Variants in ADAM12 observed in about 807,000 individuals in gnomAD.
The protein encoded by ADAM12 is ADAM metallopeptidase domain 12.
Under a neutral mutation model 106.4 loss-of-function variants are expected in ADAM12, and 70 were observed. The observed-to-expected ratio is 0.66, with a 90% CI of 0.54 to 0.80. The LOEUF (loss-of-function observed/expected upper bound fraction) is 0.80, where lower values mean the gene tolerates loss of function less well. Ranked by LOEUF, ADAM12 falls within the 30% of genes least tolerant of loss-of-function variation. The pLI is 0.00. For missense variants in ADAM12, 1,010 were observed against 1,171.9 expected (o/e 0.86, Z 2.02); for synonymous variants, 420 against 433.5 (o/e 0.97, Z 0.39).
chr10:126,232,594 G>A (rs1316563763), intron 3 of ADAM12, among the ~76,000 whole-genome samples: 1 of 152,108 alleles, frequency 6.6e-6, no homozygotes, highest in Non-Finnish European at 1.5e-5. Flanking sequence ...CTCTCTCTTT[G>A]TTCTCCTCCT....
In ADAM12 at chr10:126,155,299, G is replaced by A. The variant is rs745737598; in HGVS notation, c.267C>T (p.Leu89=). The change falls in exon 4 of 23, where the codon CTC becomes CTT. Residue 89 remains leucine, a synonymous_variant. Coordinates refer to ENST00000448723, the MANE Select transcript of ADAM12 (RefSeq NM_001288973.2). ...GGGTTTCCGTGAAACTGCTGGCAATGAGACCTCTGCGGAAAAACAAAAACA... is the reference window on the plus strand; with the variant it reads ...GGGTTTCCGTGAAACTGCTGGCAATAAGACCTCTGCGGAAAAACAAAAACA... ...LIINLERNEG[L]IASSFTETHY... 2.5e-6 allele frequency: 4 copies of A among 1,614,000 alleles called. No homozygotes were observed. The South Asian group carries it at 4.4e-5, about 18-fold the overall frequency.
At chr10:126,312,963 C>T (rs1961179552) in intron 2 of ADAM12, among the ~76,000 whole-genome samples, 2 of 152,222 alleles carry the variant, frequency 1.3e-5, no homozygotes, top group African/African-American at 2.4e-5. Context: ...TTATTACTTA[C>T]TTGCATAAAT....
At position 126,329,910 on chromosome 10, in the gene ADAM12, ATTAAAT is replaced by A. The variant is rs1854442657; in HGVS notation, c.186+496_186+501del. ...TTTAGCAGATAAAACGCACCAAGAT[ATTAAAT>A]TTAATCACTATTATTTCAATTATTT... is the stretch of plus-strand genomic sequence containing the variant. On this transcript the variant is annotated intron_variant, in intron 2 of 22. Transcript: ENST00000448723. Among the ~76,000 whole-genome samples the A allele has an allele frequency of 2.6e-5, 4 of 152,366 alleles. No individual in the cohort carries two copies. The South Asian group carries it at 8.3e-4, about 32-fold the overall frequency.
At chr10:126,169,292 C>A (rs774356828) in intron 3 of ADAM12, among the ~76,000 whole-genome samples, 1 of 152,200 alleles carries the variant, frequency 6.6e-6, no homozygotes, top group Non-Finnish European at 1.5e-5. Flanking sequence ...TTCCTAAATG[C>A]GGTTCTCCTT....
chr10:126,034,916 C>CTCTTT, intron 21 of ADAM12, among the ~76,000 whole-genome samples: 1 of 152,060 alleles, frequency 6.6e-6, no homozygotes, highest in Non-Finnish European at 1.5e-5. Context: ...AGAGACATGA[C>CTCTTT]ATAATGATAA....
At chr10:126,336,748 C>T (rs992275376) in intron 1 of ADAM12, among the ~76,000 whole-genome samples, 16 of 152,180 alleles carry the variant, frequency 1.1e-4, no homozygotes, top group Admixed American at 6.5e-4. Flanking sequence ...GACAAAACCA[C>T]GTCAATACAG....
At chr10:126,374,274 C>T (rs1856204627) in intron 1 of ADAM12, among the ~76,000 whole-genome samples, 1 of 152,072 alleles carries the variant, frequency 6.6e-6, no homozygotes, top group Admixed American at 6.6e-5. Context: ...ACATAGGACT[C>T]CCATGGAGAG....
At chr10:126,350,554 G>A (rs1431964536) in intron 1 of ADAM12, among the ~76,000 whole-genome samples, 1 of 152,236 alleles carries the variant, frequency 6.6e-6, no homozygotes, top group African/African-American at 2.4e-5. Context: ...TCCTGCTCCA[G>A]AGCCTGACTC....
At chr10:126,047,605 TGTCA>T (rs1954362173) in intron 16 of ADAM12, among the ~76,000 whole-genome samples, 1 of 151,960 alleles carries the variant, frequency 6.6e-6, no homozygotes, top group South Asian at 2.1e-4. Flanking sequence ...AAAAAAAAGG[TGTCA>T]GTCAGAATGG....
intron 16 of ADAM12, among the ~76,000 whole-genome samples, chr10:126,048,030 A>T (rs777611424): frequency 3.3e-5 from 5 of 152,228 alleles, no homozygotes; most frequent in Non-Finnish European, 7.3e-5. Context: ...TCATAAGCAA[A>T]TTAATTCAGG....
chr10:126,216,990 C>T (rs919683763), intron 3 of ADAM12, among the ~76,000 whole-genome samples: 2 of 152,200 alleles, frequency 1.3e-5, no homozygotes, highest in African/African-American at 4.8e-5. Context: ...GAATATTTTT[C>T]TGTTTCTCCT....
At chr10:126,347,739 C>T (rs1855201787) in intron 1 of ADAM12, among the ~76,000 whole-genome samples, 1 of 152,136 alleles carries the variant, frequency 6.6e-6, no homozygotes, top group Non-Finnish European at 1.5e-5. Flanking sequence ...GGGTTGTTTG[C>T]TCACATTTAT....
chr10:126,245,226 G>C (rs903966402), intron 3 of ADAM12, among the ~76,000 whole-genome samples: 2 of 152,196 alleles, frequency 1.3e-5, no homozygotes, highest in African/African-American at 4.8e-5. Flanking sequence ...CTGGTGGCAG[G>C]GTGTTTCTGA....
chr10:126,387,686 C>A (rs1856715677), intron 1 of ADAM12, among the ~76,000 whole-genome samples: 1 of 152,078 alleles, frequency 6.6e-6, no homozygotes, highest in Non-Finnish European at 1.5e-5. Flanking sequence ...TGGGGATATT[C>A]ACTGCGGGAT....
intron 3 of ADAM12, among the ~76,000 whole-genome samples, chr10:126,159,049 C>T (rs1192610144): frequency 1.3e-5 from 2 of 152,150 alleles, no homozygotes; most frequent in African/African-American, 4.8e-5. Flanking sequence ...GTGGCTCACG[C>T]CTGTAATCCC....
chr10:126,220,649 C>G lies in ADAM12; in HGVS notation c.260+58266G>C, dbSNP rs575476336. Among the ~76,000 whole-genome samples the G allele has an allele frequency of 1.9e-4, 29 of 152,314 alleles. No homozygotes were observed. The South Asian group carries it at 5.8e-3, about 30-fold the overall frequency. On this transcript the variant is annotated intron_variant, in intron 3 of 22. Transcript: ENST00000448723. Reference sequence around the variant, plus strand: ...TCCCATATTTGCATTTGCTAGACATCGCAATCCTTAGTGTCCTCCCTTCTC... The same window carrying G: ...TCCCATATTTGCATTTGCTAGACATGGCAATCCTTAGTGTCCTCCCTTCTC...
intron 3 of ADAM12, among the ~76,000 whole-genome samples, chr10:126,164,289 A>G (rs1048472036): frequency 2.0e-5 from 3 of 152,260 alleles, no homozygotes; most frequent in African/African-American, 4.8e-5. Context: ...TTGTTTGTCA[A>G]TTAACACCAG....
intron 5 of ADAM12, among the ~76,000 whole-genome samples, chr10:126,122,098 C>T (rs1956126487): frequency 6.6e-6 from 1 of 152,168 alleles, no homozygotes; most frequent in South Asian, 2.1e-4. Context: ...ACACTTAATC[C>T]TTCAGAGAAG....
chr10:126,204,888 T>C (rs920534551), intron 3 of ADAM12, among the ~76,000 whole-genome samples: 1 of 152,086 alleles, frequency 6.6e-6, no homozygotes, highest in South Asian at 2.1e-4. Context: ...CTATTCTAAG[T>C]AGATTAGATA....
Sources: allele counts gnomAD v4.1 joint callset (sites outside exome capture counted in the v4.1 genomes callset), GRCh38; gene constraint gnomAD v4.1.1; transcripts MANE v1.5; gene names NCBI Gene and HGNC (gene_info 2026-07-23, HGNC 2026-07-21).